The following KANK4 variants were observed in gnomAD, a reference collection of about 807,000 sequenced individuals.
KANK4 encodes the protein KN motif and ankyrin repeat domain-containing protein 4.
In KANK4, 50 loss-of-function variants were observed where a neutral mutation model predicts 80.8. That is an observed-to-expected ratio of 0.62 (90% CI 0.49 to 0.78). KANK4 has a LOEUF of 0.78. KANK4 is among the 30% of genes least tolerant of loss of function. The probability of loss-of-function intolerance (pLI) is 0.00; values close to 1 mark genes in which losing one functional copy is unlikely to be tolerated. For missense variants in KANK4, 1,196 were observed against 1,240.1 expected, an observed-to-expected ratio of 0.96 and a Z score of 0.53; for synonymous variants, 465 against 506.9, an observed-to-expected ratio of 0.92 and a Z score of 1.11.
At chr1:62,252,068 A>G (rs1671635618) in intron 8 of KANK4, among the ~76,000 whole-genome samples, 1 of 152,188 alleles carries the variant, frequency 6.6e-6, no homozygotes, top group East Asian at 1.9e-4. Flanking sequence ...TAGAGTAACA[A>G]ATGGGCTACT....
At chr1:62,294,680 C>T (rs1886830) in intron 1 of KANK4, among the ~76,000 whole-genome samples, 1 of 152,158 alleles carries the variant, frequency 6.6e-6, no homozygotes, top group African/African-American at 2.4e-5. Context: ...ATTTTTCAGG[C>T]GGGAAAGCTG....
intron 8 of KANK4, 24 bp from the exon 9 acceptor site, chr1:62,247,696 T>C (rs1241814678): frequency 2.4e-5 from 39 of 1,608,728 alleles, no homozygotes; most frequent in Non-Finnish European, 3.1e-5. Context: ...CACAGGGATG[T>C]GGTGAGGTTG....
intron 1 of KANK4, among the ~76,000 whole-genome samples, chr1:62,318,702 C>CA (rs1275013198): frequency 6.6e-6 from 1 of 152,244 alleles, no homozygotes; most frequent in Non-Finnish European, 1.5e-5. Flanking sequence ...TCCCAGACCG[C>CA]AGCGCCTAGC....
At chr1:62,281,090 C>A (rs1571016348) in intron 2 of KANK4, among the ~76,000 whole-genome samples, 1 of 152,188 alleles carries the variant, frequency 6.6e-6, no homozygotes, top group Non-Finnish European at 1.5e-5. Flanking sequence ...TGAGTGTGGC[C>A]ATTCTAAGCC....
At chr1:62,302,670 C>T (rs1398134666) in intron 1 of KANK4, among the ~76,000 whole-genome samples, 1 of 152,088 alleles carries the variant, frequency 6.6e-6, no homozygotes, top group Non-Finnish European at 1.5e-5. Context: ...AGACAACTGT[C>T]TATGAACCAG....
chr1:62,317,536 C>T (rs1644551823), intron 1 of KANK4, among the ~76,000 whole-genome samples: 1 of 152,212 alleles, frequency 6.6e-6, no homozygotes, highest in African/African-American at 2.4e-5. Flanking sequence ...GGATGCACAA[C>T]TAAAGGACTG....
intron 1 of KANK4, among the ~76,000 whole-genome samples, chr1:62,285,890 C>T (rs1672554272): frequency 6.6e-6 from 1 of 152,186 alleles, no homozygotes; most frequent in Non-Finnish European, 1.5e-5. Flanking sequence ...CAAATATTCC[C>T]TGTGCCAAGA....
chr1:62,286,129 T>C (rs931786409), intron 1 of KANK4, among the ~76,000 whole-genome samples: 1 of 152,252 alleles, frequency 6.6e-6, no homozygotes, highest in African/African-American at 2.4e-5. Context: ...TTCGCCTGCA[T>C]TGCAGCAGCT....
At chr1:62,261,645 C>A (rs889594586) in intron 7 of KANK4, among the ~76,000 whole-genome samples, 2 of 152,066 alleles carry the variant, frequency 1.3e-5, no homozygotes, top group Non-Finnish European at 2.9e-5. Flanking sequence ...GAGTTTCCTA[C>A]AAAAAAATCT....
intron 8 of KANK4, among the ~76,000 whole-genome samples, chr1:62,247,999 CCT>C (rs1671512208): frequency 6.6e-6 from 1 of 151,950 alleles, no homozygotes; most frequent in African/African-American, 2.4e-5. Flanking sequence ...TGTTTTTGTC[CCT>C]GTCTCCCCAG....
chr1:62,268,602 A>G (rs1429173320), intron 4 of KANK4, 97 bp from the exon 5 acceptor site: 2 of 914,898 alleles, frequency 2.2e-6, no homozygotes, highest in Non-Finnish European at 3.5e-6. Context: ...AACACTCCGC[A>G]GCTTGCTAAT....
chr1:62,318,495 C>G (rs1644560724), intron 1 of KANK4, among the ~76,000 whole-genome samples: 1 of 152,246 alleles, frequency 6.6e-6, no homozygotes, highest in African/African-American at 2.4e-5. Context: ...TCGGCGGCGT[C>G]TAGAGCACTC....
At chr1:62,304,323 G>A (rs1644434670) in intron 1 of KANK4, among the ~76,000 whole-genome samples, 1 of 152,040 alleles carries the variant, frequency 6.6e-6, no homozygotes, top group Admixed American at 6.5e-5. Context: ...TGGAGTGCCA[G>A]GGAGCTGTGA....
chr1:62,305,475 A>AT (rs1352254410), intron 1 of KANK4, among the ~76,000 whole-genome samples: 2 of 151,940 alleles, frequency 1.3e-5, no homozygotes, highest in African/African-American at 4.8e-5. Context: ...AGCCTGGCTA[A>AT]TTTTTTTGTA....
At chr1:62,252,547 G>A (rs1001835364) in intron 8 of KANK4, among the ~76,000 whole-genome samples, 1 of 152,242 alleles carries the variant, frequency 6.6e-6, no homozygotes, top group African/African-American at 2.4e-5. Context: ...CACACCCCTA[G>A]GAATGATCAG....
At chr1:62,308,803 T>C (rs1250901343) in intron 1 of KANK4, among the ~76,000 whole-genome samples, 1 of 152,148 alleles carries the variant, frequency 6.6e-6, no homozygotes, top group East Asian at 1.9e-4. Flanking sequence ...GGGAAAAATG[T>C]CACAGGGCCC....
intron 7 of KANK4, among the ~76,000 whole-genome samples, chr1:62,259,827 G>C (rs973623357): frequency 2.7e-5 from 4 of 150,750 alleles, no homozygotes; most frequent in Non-Finnish European, 4.4e-5. Context: ...ATATTTAGCA[G>C]GTGCTAAATA....
At chr1:62,254,374 G>A (rs1036702173) in intron 7 of KANK4, among the ~76,000 whole-genome samples, 2 of 151,872 alleles carry the variant, frequency 1.3e-5, no homozygotes, top group Non-Finnish European at 2.9e-5. Flanking sequence ...AGCCTCTCGA[G>A]TAGCCTGTAG....
At chr1:62,288,086 C>G (rs928902870) in intron 1 of KANK4, among the ~76,000 whole-genome samples, 2 of 152,100 alleles carry the variant, frequency 1.3e-5, no homozygotes, top group Admixed American at 1.3e-4. Flanking sequence ...TACCAGCATC[C>G]CCAACCCCTA....
Sources: gnomAD v4.1 joint callset for allele counts (sites outside exome capture counted in the v4.1 genomes callset) on GRCh38, gnomAD v4.1.1 for gene constraint, MANE v1.5 for transcripts, NCBI Gene and HGNC (gene_info 2026-07-23, HGNC 2026-07-21) for gene names.